Variants in CORIN observed in about 807,000 individuals in gnomAD.
CORIN encodes corin, serine peptidase.
In CORIN, 117 loss-of-function variants were observed where a neutral mutation model predicts 125.3. That is an observed-to-expected ratio of 0.93 (90% CI 0.80 to 1.09). The LOEUF (loss-of-function observed/expected upper bound fraction) is 1.09, where lower values mean the gene tolerates loss of function less well. Ranked by LOEUF, CORIN falls within the 50% of genes least tolerant of loss-of-function variation. The pLI, the probability that CORIN is intolerant of heterozygous loss-of-function variation, is 0.00. For synonymous variants in CORIN, 450 were observed against 466.4 expected, an observed-to-expected ratio of 0.96 and a Z score of 0.45; for missense variants, 1,253 against 1,306.7, an observed-to-expected ratio of 0.96 and a Z score of 0.63.
intron 4 of CORIN, among the ~76,000 whole-genome samples, chr4:47,754,693 T>C (rs1002194328): frequency 1.3e-4 from 20 of 151,956 alleles, no homozygotes; most frequent in African/African-American, 4.6e-4. Flanking sequence ...TCTTTAAATA[T>C]TTGTTTAATA....
intron 5 of CORIN, among the ~76,000 whole-genome samples, chr4:47,734,944 T>C (rs1019718826): frequency 2.6e-5 from 4 of 152,206 alleles, no homozygotes; most frequent in African/African-American, 9.6e-5. Context: ...GTTAAACAGA[T>C]ACAGATTAAA....
chr4:47,710,593 C>G (rs1240761882), intron 5 of CORIN, among the ~76,000 whole-genome samples: 1 of 152,224 alleles, frequency 6.6e-6, no homozygotes, highest in Non-Finnish European at 1.5e-5. Flanking sequence ...GTGCTGCCCC[C>G]CTATAGAGCT....
intron 13 of CORIN, chr4:47,652,609 A>C (rs540043437): frequency 6.6e-6 from 1 of 152,350 alleles, no homozygotes; most frequent in Admixed American, 6.5e-5. Flanking sequence ...TACAAGTACA[A>C]AGATTTGCAG....
intron 3 of CORIN, among the ~76,000 whole-genome samples, chr4:47,781,588 A>G (rs1035372750): frequency 6.6e-6 from 1 of 152,214 alleles, no homozygotes; most frequent in Non-Finnish European, 1.5e-5. Context: ...AATAGTTTCA[A>G]CTTACAATGG....
Position 47,603,639 on chromosome 4 carries a change from A to T in CORIN, c.2570T>A (p.Val857Glu). Residue 857 changes from valine to glutamate, a missense_variant, in exon 20 of 22, where the codon GTG (valine) becomes GAG (glutamate). Val to Glu is a moderately radical substitution (Grantham distance 121). Coordinates refer to ENST00000273857, the MANE Select transcript of CORIN (RefSeq NM_006587.4). The part of the protein sequence containing the change: ...GRENAAVWKV[V>E]LGINNLDHPS... Reference sequence around the variant, plus strand: ...ATGGTCTAGATTGTTGATGCCAAGCACCACTTTCCAAACTGCAGCATTCTC... The same window carrying T: ...ATGGTCTAGATTGTTGATGCCAAGCTCCACTTTCCAAACTGCAGCATTCTC... 6.2e-7 allele frequency: 1 copy of T among 1,614,014 alleles called. No individual in the cohort carries two copies. The highest frequency in any genetic ancestry group is 8.5e-7 in the Non-Finnish European group (1 of 1,179,868).
At chr4:47,794,844 C>A (rs1308467064) in intron 2 of CORIN, among the ~76,000 whole-genome samples, 2 of 152,122 alleles carry the variant, frequency 1.3e-5, no homozygotes, top group Non-Finnish European at 2.9e-5. Flanking sequence ...TTAAAAGTCC[C>A]AACCAAGATA....
chr4:47,631,580 G>C (rs1351355951), intron 16 of CORIN, among the ~76,000 whole-genome samples: 2 of 151,972 alleles, frequency 1.3e-5, no homozygotes, highest in East Asian at 3.9e-4. Flanking sequence ...GTAGTATAAT[G>C]ATTTCATTAT....
chr4:47,619,308 G>C (rs550594121), intron 19 of CORIN, among the ~76,000 whole-genome samples: 1 of 152,248 alleles, frequency 6.6e-6, no homozygotes, highest in African/African-American at 2.4e-5. Flanking sequence ...AATTAAAAAA[G>C]AGACAGGCTG....
At chr4:47,834,352 A>C (rs995211617) in intron 1 of CORIN, among the ~76,000 whole-genome samples, 2 of 152,190 alleles carry the variant, frequency 1.3e-5, no homozygotes, top group Admixed American at 1.3e-4. Context: ...TAAGCCAGAC[A>C]CAGAAGGACA....
chr4:47,613,314 G>A (rs1264163013), intron 19 of CORIN, among the ~76,000 whole-genome samples: 1 of 152,154 alleles, frequency 6.6e-6, no homozygotes, highest in Non-Finnish European at 1.5e-5. Flanking sequence ...TTAGCCGAGT[G>A]TGGTGGCACG....
At chr4:47,819,897 C>A (rs1381815025) in intron 1 of CORIN, among the ~76,000 whole-genome samples, 1 of 152,120 alleles carries the variant, frequency 6.6e-6, no homozygotes, top group East Asian at 1.9e-4. Context: ...TTTTCATAAC[C>A]TATAATCATC....
Position 47,642,036 on chromosome 4 carries a change from T to C in CORIN, c.2082A>G (p.Ile694Met). ...SDEWDCVTLS[I>M]NVNSSSFLMV... ...TCAGAAAGGAAGAGGAGTTCACATT[T>C]ATAGAGAGGGTCACTAGGGAAAGAA... The change falls in exon 16 of 22, where the codon ATA becomes ATG. Residue 694 changes from isoleucine to methionine, a missense_variant. Transcript: ENST00000273857. The C allele has an allele frequency of 6.2e-7, 1 of 1,613,074 alleles. No individual in the cohort carries two copies. The highest frequency in any genetic ancestry group is 1.1e-5 in the South Asian group (1 of 91,038).
chr4:47,770,939 A>T (rs1441332311), intron 3 of CORIN, among the ~76,000 whole-genome samples: 2 of 152,156 alleles, frequency 1.3e-5, no homozygotes, highest in African/African-American at 2.4e-5. Flanking sequence ...CAGGAGAAGT[A>T]AGATCAAGCG....
chr4:47,643,423 T>C (rs923300561), intron 14 of CORIN, among the ~76,000 whole-genome samples, 167 bp from the exon 15 acceptor site: 7 of 152,186 alleles, frequency 4.6e-5, no homozygotes, highest in African/African-American at 1.7e-4. Flanking sequence ...TTGTAAAATA[T>C]CATTTAATAG....
At chr4:47,801,020 C>T (rs1055216318) in intron 2 of CORIN, among the ~76,000 whole-genome samples, 4 of 152,116 alleles carry the variant, frequency 2.6e-5, no homozygotes, top group African/African-American at 9.7e-5. Context: ...CCCTTCTCAA[C>T]CTCCCTCCTG....
intron 5 of CORIN, among the ~76,000 whole-genome samples, chr4:47,731,307 A>C (rs1396537186): frequency 6.6e-6 from 1 of 152,176 alleles, no homozygotes; most frequent in Non-Finnish European, 1.5e-5. Context: ...GCATGCTGCA[A>C]GCATACATAT....
chr4:47,723,968 C>A (rs1258190717), intron 5 of CORIN, among the ~76,000 whole-genome samples: 1 of 143,928 alleles, frequency 6.9e-6, no homozygotes, highest in Non-Finnish European at 1.5e-5. Flanking sequence ...AGCACTCCAG[C>A]CTGGACGACA....
chr4:47,714,873 A>G (rs764122641), intron 5 of CORIN, among the ~76,000 whole-genome samples: 10 of 152,234 alleles, frequency 6.6e-5, no homozygotes, highest in Non-Finnish European at 1.3e-4. Context: ...TCGCCAGTGC[A>G]CTAGAAAAGC....
intron 19 of CORIN, among the ~76,000 whole-genome samples, chr4:47,611,966 G>T (rs1012137122): frequency 6.6e-6 from 1 of 152,214 alleles, no homozygotes. Flanking sequence ...TGGTTTGCCA[G>T]TATTTTATTG....
Sources: gnomAD v4.1 joint callset for allele counts (sites outside exome capture counted in the v4.1 genomes callset) on GRCh38, gnomAD v4.1.1 for gene constraint, MANE v1.5 for transcripts, NCBI Gene and HGNC (gene_info 2026-07-23, HGNC 2026-07-21) for gene names.